RNF182: variants seen among roughly 807,000 people sequenced by gnomAD.
The protein encoded by RNF182 is ring finger protein 182, also known as E3 ubiquitin-protein ligase RNF182.
Under a neutral mutation model 14.4 loss-of-function variants are expected in RNF182, and 15 were observed. The ratio of observed to expected loss-of-function variants is 1.04; its 90% CI spans 0.70 to 1.60. The LOEUF is 1.60. Among genes scored for constraint, RNF182 ranks in the 40% most tolerant of loss-of-function variants. The probability of loss-of-function intolerance (pLI) is 0.00; values close to 1 mark genes in which losing one functional copy is unlikely to be tolerated. For synonymous variants in RNF182, 128 were observed against 122.9 expected (o/e 1.04, Z -0.27); for missense variants, 268 against 294.8 (o/e 0.91, Z 0.67).
intron 1 of RNF182, among the ~76,000 whole-genome samples, chr6:13,964,950 T>TA (rs1211388534): frequency 2.0e-5 from 3 of 152,140 alleles, no homozygotes; most frequent in African/African-American, 7.2e-5. Context: ...ACCCTACTCA[T>TA]AGAACTTCAG....
intron 1 of RNF182, among the ~76,000 whole-genome samples, chr6:13,950,908 T>C (rs1429323157): frequency 6.6e-6 from 1 of 152,022 alleles, no homozygotes; most frequent in Non-Finnish European, 1.5e-5. Context: ...GTGATTCTCC[T>C]GCCTCAGCCT....
intron 2 of RNF182, 138 bp downstream of exon 2, chr6:13,974,502 TAG>T (rs1760274702): frequency 6.6e-6 from 1 of 152,208 alleles, no homozygotes; most frequent in Non-Finnish European, 1.5e-5. Flanking sequence ...AGTAATCTGA[TAG>T]AGTATTTCTG....
upstream of RNF182, chr6:13,924,847 GC>G: frequency 6.6e-6 from 1 of 150,958 alleles, no homozygotes; most frequent in Non-Finnish European, 1.5e-5. Flanking sequence ...GGCCGGGGGG[GC>G]CCCGGCGGTT....
At chr6:13,931,152 G>C (rs1758958356) in intron 1 of RNF182, among the ~76,000 whole-genome samples, 1 of 152,172 alleles carries the variant, frequency 6.6e-6, no homozygotes, top group Admixed American at 6.5e-5. Context: ...TGGGCTTTTA[G>C]AGTAGAAAGA....
chr6:13,931,839 A>C lies in RNF182; in HGVS notation c.-367+6816A>C, dbSNP rs564573484. On this transcript the variant is annotated intron_variant, in intron 1 of 2. Transcript: ENST00000488300. ...TCATATGTTGAAATTCTAACTCCCA[A>C]GGTGATGGTATTAGGAGGTAGGGCC... 8.5e-5 allele frequency among the ~76,000 whole-genome samples: 13 copies of C among 152,138 alleles called. No individual in the cohort carries two copies. The South Asian group carries it at 2.5e-3, about 29-fold the overall frequency.
chr6:13,959,875 G>C (rs1280321827), intron 1 of RNF182, among the ~76,000 whole-genome samples: 2 of 152,168 alleles, frequency 1.3e-5, no homozygotes, highest in African/African-American at 2.4e-5. Flanking sequence ...GGAAGGGATA[G>C]GCTGCAGACA....
At chr6:13,971,568 T>G (rs992107509) in intron 1 of RNF182, among the ~76,000 whole-genome samples, 3 of 152,160 alleles carry the variant, frequency 2.0e-5, no homozygotes, top group Non-Finnish European at 4.4e-5. Flanking sequence ...AGACAGAGGT[T>G]GGAACAGTTT....
intron 1 of RNF182, among the ~76,000 whole-genome samples, chr6:13,934,767 GATAA>G (rs1409568887): frequency 4.8e-5 from 7 of 147,036 alleles, no homozygotes; most frequent in Non-Finnish European, 7.5e-5. Flanking sequence ...TATTAGCAGA[GATAA>G]ATAAAATTGA....
rs1760403096 is a variant in RNF182 at position 13,978,499 on chromosome 6, ACAGT to A, written c.*640_*643del. The A allele has an allele frequency of 6.0e-6, 1 of 166,544 alleles. No individual in the cohort carries two copies. The highest frequency in any genetic ancestry group is 2.4e-5 in the African/African-American group (1 of 41,268). 10.3% of individuals were successfully genotyped at this position (166,544 alleles called of 1,614,324 possible). A position where few individuals can be genotyped will look rare whatever the true frequency, so the allele number is the denominator to read the frequency against. ...TGAAAAGCACTGAGGAATTTGCATC[ACAGT>A]CAGCTTCATGGCAGAATGTGGCCAT... is the stretch of plus-strand genomic sequence containing the variant. On this transcript the variant is annotated 3_prime_UTR_variant, in exon 3 of 3. Transcript: ENST00000488300.
chr6:13,965,287 C>G lies in RNF182; in HGVS notation c.-366-8923C>G, dbSNP rs111604265. Among the ~76,000 whole-genome samples, 604 of 151,270 alleles carry G rather than the reference C, an allele frequency of 4.0e-3. 1 individual carries two copies. The highest frequency in any genetic ancestry group is 0.014 in the African/African-American group (575 of 41,118). On this transcript the variant is annotated intron_variant, in intron 1 of 2. Coordinates refer to ENST00000488300, the MANE Select transcript of RNF182 (RefSeq NM_152737.4). Reference sequence around the variant, plus strand: ...GGTCAGCTAGAAGAATCTGAAAGTACAGAACAAAAATATAAAGGAATGGAA... The same window carrying G: ...GGTCAGCTAGAAGAATCTGAAAGTAGAGAACAAAAATATAAAGGAATGGAA...
chr6:13,970,332 C>T (rs1561787811), intron 1 of RNF182, among the ~76,000 whole-genome samples: 1 of 152,062 alleles, frequency 6.6e-6, no homozygotes, highest in African/African-American at 2.4e-5. Context: ...TTTTTAGCTC[C>T]CATATGAGTG....
At chr6:13,943,834 A>G (rs1255761052) in intron 1 of RNF182, among the ~76,000 whole-genome samples, 2 of 152,202 alleles carry the variant, frequency 1.3e-5, no homozygotes, top group Non-Finnish European at 2.9e-5. Context: ...GCCCTTTTAA[A>G]TGCTGGGATG....
At chr6:13,968,804 G>T (rs1002702550) in intron 1 of RNF182, among the ~76,000 whole-genome samples, 19 of 152,180 alleles carry the variant, frequency 1.2e-4, no homozygotes, top group Non-Finnish European at 4.4e-5. Context: ...ACATGTGCAT[G>T]CATGTGTGCA....
Position 13,977,199 on chromosome 6 carries a change from A to G in RNF182, c.80A>G (p.Tyr27Cys), listed in dbSNP as rs753215136. 1 of 1,614,186 alleles carries G rather than the reference A, an allele frequency of 6.2e-7. No individual in the cohort carries two copies. Among genetic ancestry groups the G allele is most frequent in the South Asian group, 1.1e-5 (1 of 91,084 alleles). The stretch of plus-strand genomic sequence containing the variant: ...GAGTGCAAAATCTGTTACAATCGAT[A>G]CAATCTGAAACAGAGGAAACCCAAA... ...ELECKICYNR[Y>C]NLKQRKPKVL... is the part of the protein sequence containing the mutation. Residue 27 changes from tyrosine to cysteine, a missense_variant, in exon 3 of 3, where the codon TAC (tyrosine) becomes TGC (cysteine). Physicochemically the swap from Tyr to Cys is radical, Grantham distance 194. Coordinates refer to ENST00000488300, the MANE Select transcript of RNF182 (RefSeq NM_152737.4).
chr6:13,925,118 GCC>G (rs1758788425), intron 1 of RNF182, 95 bp downstream of exon 1: 4 of 82,558 alleles, frequency 4.8e-5, no homozygotes, highest in Non-Finnish European at 9.7e-5. Context: ...CCTGGACGGC[GCC>G]GGGCCGCCCA....
rs9476155 is a variant in RNF182, at chr6:13,966,693, G to T, written c.-366-7517G>T. Reference sequence around the variant, plus strand: ...CGGGAAGATTGCTTGACCCCGCGGGGTGGAGGTTACAGTGAGCTGAGATCA... The same window carrying T: ...CGGGAAGATTGCTTGACCCCGCGGGTTGGAGGTTACAGTGAGCTGAGATCA... On this transcript the variant is annotated intron_variant, in intron 1 of 2. Coordinates refer to ENST00000488300, the MANE Select transcript of RNF182 (RefSeq NM_152737.4). Among the ~76,000 whole-genome samples the T allele has an allele frequency of 7.4e-3, 1,132 of 152,154 alleles. 12 individuals carry two copies. The highest frequency in any genetic ancestry group is 0.026 in the African/African-American group (1,090 of 41,480).
Position 13,978,932 on chromosome 6 carries a change from G to C in RNF182, c.*1069G>C, listed in dbSNP as rs372909808. ...GTATTTTGCTGTACGGTACTGAGCT[G>C]TACCAAAATATGATGGTTTAGGTTT... On this transcript the variant is annotated 3_prime_UTR_variant, in exon 3 of 3. Coordinates refer to ENST00000488300, the MANE Select transcript of RNF182 (RefSeq NM_152737.4). 3 of 167,070 alleles carry C rather than the reference G, an allele frequency of 1.8e-5. No homozygotes were observed. The highest frequency in any genetic ancestry group is 7.2e-5 in the African/African-American group (3 of 41,446). 10.3% of individuals were successfully genotyped at this position (167,070 alleles called of 1,614,324 possible).
chr6:13,962,135 G>A (rs1404266844), intron 1 of RNF182, among the ~76,000 whole-genome samples: 1 of 152,118 alleles, frequency 6.6e-6, no homozygotes, highest in African/African-American at 2.4e-5. Flanking sequence ...ACATATTATT[G>A]TTAGTAATTA....
At chr6:13,968,392 A>G (rs1211847343) in intron 1 of RNF182, among the ~76,000 whole-genome samples, 2 of 152,236 alleles carry the variant, frequency 1.3e-5, no homozygotes, top group African/African-American at 4.8e-5. Context: ...TGAATAGGAC[A>G]GTAACCCTAA....
Sources: allele counts gnomAD v4.1 joint callset (sites outside exome capture counted in the v4.1 genomes callset), GRCh38; gene constraint gnomAD v4.1.1; transcripts MANE v1.5; gene names NCBI Gene and HGNC (gene_info 2026-07-23, HGNC 2026-07-21).